Variants in NGFR observed in about 807,000 individuals in gnomAD.
NGFR encodes the protein nerve growth factor receptor.
NGFR carries 30 observed loss-of-function variants against 43.2 expected under a neutral mutation model. That is an observed-to-expected ratio of 0.69 (90% confidence interval 0.52 to 0.94). The LOEUF (loss-of-function observed/expected upper bound fraction) is 0.94. Ranked by LOEUF, NGFR falls within the 40% of genes least tolerant of loss-of-function variation. NGFR has a pLI of 0.00. For synonymous variants in NGFR, 246 were observed against 259.6 expected, an observed-to-expected ratio of 0.95 and a Z score of 0.50; for missense variants, 529 against 602.5, an observed-to-expected ratio of 0.88 and a Z score of 1.28.
At chr17:49,497,174 G>C (rs567002369) in intron 1 of NGFR, 2 of 152,284 alleles carry the variant, frequency 1.3e-5, no homozygotes, top group South Asian at 2.1e-4. Context: ...AGGGCGGGGG[G>C]GGTTGACACT....
chr17:49,506,018 T>G (rs2071194062), intron 2 of NGFR: 4 of 482,778 alleles, frequency 8.3e-6, no homozygotes. Context: ...GCCAAGAAAC[T>G]TAGCGGCACC....
chr17:49,502,840 C>CT (rs1555564738), intron 2 of NGFR, among the ~76,000 whole-genome samples: 2 of 148,464 alleles, frequency 1.3e-5, no homozygotes, highest in Non-Finnish European at 3.0e-5. Context: ...TCCTTCCTTC[C>CT]TTCCTTCCTT....
rs2071248574 is a variant in NGFR at position 49,513,458 on chromosome 17, A to T, written c.*449A>T. The stretch of plus-strand genomic sequence containing the variant: ...CTCTACACTGTGAACTTGGGGAACA[A>T]GGGTGGCATCCCAGTGGCCTCAACC... On this transcript the variant is annotated 3_prime_UTR_variant, in exon 6 of 6. Transcript: ENST00000172229. 6.2e-6 allele frequency: 1 copy of T among 161,752 alleles called. No homozygotes were observed. The highest frequency in any genetic ancestry group is 2.4e-5 in the African/African-American group (1 of 41,786). The allele number at this position is 161,752 out of a possible 1,614,324, so 10.0% of individuals were successfully genotyped here. A position where few individuals can be genotyped will look rare whatever the true frequency, so the allele number is the denominator to read the frequency against.
intron 1 of NGFR, among the ~76,000 whole-genome samples, chr17:49,500,166 TAC>T (rs965714804): frequency 4.6e-5 from 7 of 151,424 alleles, no homozygotes; most frequent in Admixed American, 2.6e-4. Flanking sequence ...CTGGTGTAAA[TAC>T]AGAGTCCCTG....
At chr17:49,499,775 G>T (rs2071157192) in intron 1 of NGFR, among the ~76,000 whole-genome samples, 1 of 152,080 alleles carries the variant, frequency 6.6e-6, no homozygotes, top group African/African-American at 2.4e-5. Context: ...TTTTAGTAGA[G>T]ATGGGGTTTC....
At chr17:49,504,769 C>CTTTTTT (rs67010321) in intron 2 of NGFR, among the ~76,000 whole-genome samples, 1 of 110,930 alleles carries the variant, frequency 9.0e-6, no homozygotes. Context: ...TTCTTTCTTT[C>CTTTTTT]TTTTTTTTTT....
chr17:49,502,552 A>C (rs1412965591), intron 2 of NGFR, among the ~76,000 whole-genome samples: 1 of 152,166 alleles, frequency 6.6e-6, no homozygotes, highest in Non-Finnish European at 1.5e-5. Context: ...TGCACTGCAA[A>C]ATCAATGGCT....
chr17:49,505,422 C>G (rs762006673), intron 2 of NGFR, among the ~76,000 whole-genome samples: 3 of 152,234 alleles, frequency 2.0e-5, no homozygotes, highest in Non-Finnish European at 4.4e-5. Context: ...TCCTTCCCCT[C>G]CCTGTACAAG....
At position 49,495,349 on chromosome 17, in the gene NGFR, G is replaced by A; in HGVS notation, c.-69G>A. ...GGCAGGGGGGGCGCTGGAGCGCAGC[G>A]CAGCGCAGCCCCATCAGTCCGCAAA... is the stretch of plus-strand genomic sequence containing the variant. On this transcript the variant is annotated 5_prime_UTR_variant, in exon 1 of 6. Transcript: ENST00000172229. The surrounding 1 kb of genome is among the most constrained non-coding windows in gnomAD (Gnocchi z 6.4). The A allele has an allele frequency of 8.9e-7, 1 of 1,123,720 alleles. No individual in the cohort carries two copies. Among genetic ancestry groups the A allele is most frequent in the Non-Finnish European group, 1.1e-6 (1 of 909,516 alleles). The allele number at this position is 1,123,720 out of a possible 1,614,324, so 69.6% of individuals were successfully genotyped here.
At chr17:49,509,403 C>A (rs779908133) in intron 3 of NGFR, among the ~76,000 whole-genome samples, 1 of 152,180 alleles carries the variant, frequency 6.6e-6, no homozygotes, top group African/African-American at 2.4e-5. Flanking sequence ...ACGGGGTAGG[C>A]AACATTGCCC....
intron 3 of NGFR, among the ~76,000 whole-genome samples, chr17:49,509,325 C>T (rs1156247349): frequency 6.6e-6 from 1 of 152,178 alleles, no homozygotes; most frequent in Non-Finnish European, 1.5e-5. Flanking sequence ...CAGTTACCCT[C>T]CCCTTCACCC....
At chr17:49,511,029 G>T (rs2071228963) in intron 4 of NGFR, 1 of 189,918 alleles carries the variant, frequency 5.3e-6, no homozygotes, top group Admixed American at 5.6e-5. Flanking sequence ...CACTGGGAAT[G>T]CTGTGGCACC....
Position 49,495,776 on chromosome 17 carries a change from G to T in NGFR, c.66+293G>T. On this transcript the variant is annotated intron_variant, in intron 1 of 5. Coordinates refer to ENST00000172229, the MANE Select transcript of NGFR (RefSeq NM_002507.4). This position sits in a 1 kb window ranked among gnomAD's most constrained non-coding sequence, Gnocchi z 6.4. ...AGGGGTCTTTCAAGAGGGGGCATGG[G>T]GCTCTCCGATGCCCAGGTTCTTCGG... The T allele has an allele frequency of 2.7e-6, 1 of 364,934 alleles. No individual in the cohort carries two copies. The highest frequency in any genetic ancestry group is 4.9e-6 in the Non-Finnish European group (1 of 204,736). The allele number at this position is 364,934 out of a possible 1,614,324, so 22.6% of individuals were successfully genotyped here. A position where few individuals can be genotyped will look rare whatever the true frequency, so the allele number is the denominator to read the frequency against.
rs770527312 is a variant in NGFR at position 49,506,523 on chromosome 17, G to C, written c.433G>C (p.Val145Leu). The change falls in exon 3 of 6, where the codon GTG becomes CTG. Residue 145 changes from valine (V) to leucine (L), a missense_variant. Val to Leu is a conservative substitution (Grantham distance 32). Transcript: ENST00000172229. ...VFSCQDKQNT[V>L]CEECPDGTYS... is the part of the protein sequence containing the mutation. ...CTCCTGCCAGGACAAGCAGAACACC[G>C]TGTGCGAGGAGTGCCCCGACGGCAC... The C allele has an allele frequency of 7.4e-6, 12 of 1,611,860 alleles. No individual in the cohort carries two copies. Among genetic ancestry groups the C allele is most frequent in the Non-Finnish European group, 1.0e-5 (12 of 1,179,598 alleles).
chr17:49,505,785 C>A (rs1173340020), intron 2 of NGFR: 1 of 153,552 alleles, frequency 6.5e-6, no homozygotes, highest in Non-Finnish European at 1.4e-5. Context: ...TGCTGTCTAA[C>A]CCCGGTCACT....
intron 4 of NGFR, 111 bp downstream of exon 4, chr17:49,510,775 A>G (rs1244847793): frequency 7.3e-7 from 1 of 1,367,938 alleles, no homozygotes; most frequent in East Asian, 2.3e-5. Flanking sequence ...ACCCCAAACC[A>G]AGCTCATCCT....
chr17:49,508,099 G>A (rs2071210301), intron 3 of NGFR, among the ~76,000 whole-genome samples: 1 of 152,268 alleles, frequency 6.6e-6, no homozygotes, highest in Non-Finnish European at 1.5e-5. Context: ...GAAGGAATGA[G>A]GAGTAGGATG....
At chr17:49,510,851 A>C (rs1597864137) in intron 4 of NGFR, 187 bp downstream of exon 4, 1 of 683,306 alleles carries the variant, frequency 1.5e-6, no homozygotes, top group Non-Finnish European at 2.5e-6. Context: ...GAGAGGATCC[A>C]CCTGTCCTGT....
rs149051452 is a variant in NGFR, at chr17:49,512,835, C to T, written c.1110C>T (p.Pro370=). Residue 370 remains proline (P), a synonymous_variant, in exon 6 of 6, where the codon CCC becomes CCT. Transcript: ENST00000172229. The surrounding 1 kb of genome is among the most constrained non-coding windows in gnomAD (Gnocchi z 5.2). ...TGGCGGGCGAGCTGGGCTACCAGCC[C>T]GAGCACATAGACTCCTTTACCCATG... The part of the protein sequence containing the change: ...RHLAGELGYQ[P]EHIDSFTHEA... 78 of 1,613,466 alleles carry T rather than the reference C, an allele frequency of 4.8e-5. No individual in the cohort carries two copies. Among genetic ancestry groups the T allele is most frequent in the Admixed American group, 2.5e-4 (15 of 60,008 alleles).
Sources: gnomAD v4.1 joint callset for allele counts (sites outside exome capture counted in the v4.1 genomes callset) on GRCh38, gnomAD v4.1.1 for gene constraint, Gnocchi (gnomAD v3.1) non-coding constraint, MANE v1.5 for transcripts, NCBI Gene and HGNC (gene_info 2026-07-23, HGNC 2026-07-21) for gene names.